Variants in ARHGAP42 observed in about 807,000 individuals in gnomAD.
The protein encoded by ARHGAP42 is rho GTPase-activating protein 42.
ARHGAP42 carries 63 observed loss-of-function variants against 125.0 expected under a neutral mutation model. The observed-to-expected ratio is 0.50, with a 90% CI of 0.41 to 0.62. ARHGAP42 has a LOEUF of 0.62. ARHGAP42 is among the 20% of genes least tolerant of loss of function. ARHGAP42 has a pLI of 0.00. For missense variants in ARHGAP42, 766 were observed against 1,024.2 expected, an observed-to-expected ratio of 0.75 and a Z score of 3.44; for synonymous variants, 339 against 351.0, an observed-to-expected ratio of 0.97 and a Z score of 0.38.
intron 19 of ARHGAP42, among the ~76,000 whole-genome samples, chr11:100,975,777 T>C (rs1858373835): frequency 6.6e-6 from 1 of 152,208 alleles, no homozygotes; most frequent in Non-Finnish European, 1.5e-5. Context: ...CACTTATGCT[T>C]CAAGAAGTAA....
intron 3 of ARHGAP42, among the ~76,000 whole-genome samples, chr11:100,843,938 T>C (rs902965024): frequency 6.6e-6 from 1 of 151,598 alleles, no homozygotes; most frequent in African/African-American, 2.4e-5. Context: ...CACAGAACTA[T>C]AAAAAAAATC....
At chr11:100,955,394 G>A (rs1175976612) in intron 12 of ARHGAP42, among the ~76,000 whole-genome samples, 1 of 152,024 alleles carries the variant, frequency 6.6e-6, no homozygotes, top group Non-Finnish European at 1.5e-5. Flanking sequence ...TGTATTCTGG[G>A]TATCCCTCTG....
At chr11:100,930,630 T>C (rs1020689367) in intron 6 of ARHGAP42, among the ~76,000 whole-genome samples, 1 of 152,182 alleles carries the variant, frequency 6.6e-6, no homozygotes, top group Non-Finnish European at 1.5e-5. Flanking sequence ...TGGCTGCATA[T>C]AAAATGCTGA....
intron 3 of ARHGAP42, among the ~76,000 whole-genome samples, chr11:100,850,873 C>CTTTTTTT (rs201814102): frequency 2.1e-5 from 2 of 94,510 alleles, no homozygotes; most frequent in African/African-American, 1.1e-4. Context: ...TAGTAGCTTT[C>CTTTTTTT]TTTTTTTTTT....
chr11:100,960,641 C>A (rs1277787067), intron 13 of ARHGAP42, among the ~76,000 whole-genome samples: 1 of 152,096 alleles, frequency 6.6e-6, no homozygotes, highest in Non-Finnish European at 1.5e-5. Flanking sequence ...TCATCCCTTC[C>A]CATCTCCATT....
In ARHGAP42 at chr11:100,721,046, A is replaced by C. The variant is rs144785989; in HGVS notation, c.154+33214A>C. Among the ~76,000 whole-genome samples, 1,111 of 152,220 alleles carry C rather than the reference A, an allele frequency of 7.3e-3. 12 individuals carry two copies. The highest frequency in any genetic ancestry group is 0.025 in the African/African-American group (1,042 of 41,528). On this transcript the variant is annotated intron_variant, in intron 1 of 23. Transcript: ENST00000298815. ...ACACATATGAAGTCAAGTTTCCCCTATTAACATCTCGCATTAGTGTGGTAC... is the reference window on the plus strand; with the variant it reads ...ACACATATGAAGTCAAGTTTCCCCTCTTAACATCTCGCATTAGTGTGGTAC...
At chr11:100,884,055 G>A (rs528201260) in intron 4 of ARHGAP42, among the ~76,000 whole-genome samples, 24 of 151,518 alleles carry the variant, frequency 1.6e-4, no homozygotes, top group Admixed American at 1.3e-3. Flanking sequence ...GAATAAGACC[G>A]CACACAGTGG....
At chr11:100,976,724 A>T (rs1858400552) in intron 20 of ARHGAP42, 91 bp from the exon 21 acceptor site, 14 of 1,463,924 alleles carry the variant, frequency 9.6e-6, no homozygotes, top group Non-Finnish European at 1.3e-5. Context: ...GGCTCAGAGA[A>T]AAATGCTTCC....
intron 4 of ARHGAP42, among the ~76,000 whole-genome samples, chr11:100,901,475 G>A (rs912085300): frequency 6.6e-6 from 1 of 152,236 alleles, no homozygotes; most frequent in Admixed American, 6.5e-5. Context: ...GAAGTCTGCA[G>A]AAGTTGTCTG....
chr11:100,939,951 A>G (rs1867831898), intron 8 of ARHGAP42, among the ~76,000 whole-genome samples: 2 of 152,184 alleles, frequency 1.3e-5, no homozygotes, highest in Non-Finnish European at 2.9e-5. Flanking sequence ...CTACCTACAT[A>G]ATGAAGTCAC....
intron 9 of ARHGAP42, among the ~76,000 whole-genome samples, chr11:100,942,178 G>A (rs772594170): frequency 1.4e-4 from 22 of 152,096 alleles, no homozygotes; most frequent in Non-Finnish European, 2.1e-4. Context: ...ATTTGTCTAT[G>A]CTGTTGGTTG....
At chr11:100,705,824 C>T (rs971195601) in intron 1 of ARHGAP42, among the ~76,000 whole-genome samples, 3 of 152,106 alleles carry the variant, frequency 2.0e-5, no homozygotes, top group Non-Finnish European at 4.4e-5. Context: ...GCCTTGGCCT[C>T]CCAGAGTGCT....
intron 1 of ARHGAP42, among the ~76,000 whole-genome samples, chr11:100,759,193 C>A (rs1438524845): frequency 6.6e-6 from 1 of 152,144 alleles, no homozygotes; most frequent in African/African-American, 2.4e-5. Flanking sequence ...AGCTTGCTAA[C>A]AGATCTTAAA....
At chr11:100,738,277 C>T (rs184074850) in intron 1 of ARHGAP42, among the ~76,000 whole-genome samples, 6 of 152,168 alleles carry the variant, frequency 3.9e-5, no homozygotes, top group South Asian at 2.1e-4. Flanking sequence ...AACGTGGAAG[C>T]GGGAAGCTGG....
chr11:100,798,808 T>A (rs1388238257), intron 3 of ARHGAP42, among the ~76,000 whole-genome samples: 1 of 152,218 alleles, frequency 6.6e-6, no homozygotes, highest in Non-Finnish European at 1.5e-5. Context: ...CTGAATCCTC[T>A]GGGACTGTGA....
At chr11:100,827,326 T>C (rs1465068127) in intron 3 of ARHGAP42, among the ~76,000 whole-genome samples, 1 of 151,906 alleles carries the variant, frequency 6.6e-6, no homozygotes, top group African/African-American at 2.4e-5. Context: ...TTACATAGAG[T>C]GATGGGACCT....
chr11:100,931,424 G>C (rs1349387523), intron 6 of ARHGAP42, among the ~76,000 whole-genome samples: 1 of 152,142 alleles, frequency 6.6e-6, no homozygotes, highest in African/African-American at 2.4e-5. Flanking sequence ...AGTGTGTTTT[G>C]TCTTTTTTCC....
intron 21 of ARHGAP42, among the ~76,000 whole-genome samples, chr11:100,977,653 C>T (rs1190887847): frequency 6.6e-6 from 1 of 152,142 alleles, no homozygotes; most frequent in African/African-American, 2.4e-5. Context: ...TGAGAATTTC[C>T]TAATGCTCTC....
chr11:100,744,952 G>A (rs878859966), intron 1 of ARHGAP42, among the ~76,000 whole-genome samples: 5 of 152,258 alleles, frequency 3.3e-5, no homozygotes, highest in South Asian at 2.1e-4. Flanking sequence ...CGTGGCCCCC[G>A]CTGCTGTGTC....
Sources: allele counts gnomAD v4.1 joint callset (sites outside exome capture counted in the v4.1 genomes callset), GRCh38; gene constraint gnomAD v4.1.1; transcripts MANE v1.5; gene names NCBI Gene and HGNC (gene_info 2026-07-23, HGNC 2026-07-21).